The following MAB21L2 variants were observed in gnomAD, a reference collection of about 807,000 sequenced individuals.
MAB21L2 encodes protein mab-21-like 2.
MAB21L2 carries 15 observed loss-of-function variants against 29.8 expected under a neutral mutation model. The observed-to-expected ratio is 0.50, with a 90% confidence interval of 0.34 to 0.78. MAB21L2 has a LOEUF of 0.78. Ranked by LOEUF, MAB21L2 falls within the 30% of genes least tolerant of loss-of-function variation. The probability of loss-of-function intolerance (pLI) is 0.01; values close to 1 mark genes in which losing one functional copy is unlikely to be tolerated. For synonymous variants in MAB21L2, 218 were observed against 210.4 expected (o/e 1.04, Z -0.31); for missense variants, 321 against 480.1 (o/e 0.67, Z 3.10).
rs1479275588 is a variant in MAB21L2, at chr4:150,583,462, T to C, written c.433T>C (p.Tyr145His). The change falls in exon 1 of 1, where the codon TAT (tyrosine) becomes CAT (histidine). Residue 145 changes from tyrosine (Y) to histidine (H), a missense_variant. By Grantham distance (83) the Tyr-to-His change is moderately conservative (BLOSUM62 2). Coordinates refer to ENST00000317605, the MANE Select transcript of MAB21L2 (RefSeq NM_006439.5). This position sits in a 1 kb window ranked among gnomAD's most constrained non-coding sequence, Gnocchi z 9.8. The part of the protein sequence containing the change: ...LVAQAVDKCS[Y>H]RDVVKMIADT... ...GGCCCAGGCGGTGGACAAGTGCAGCTATCGGGATGTGGTCAAGATGATCGC... is the reference window on the plus strand; with the variant it reads ...GGCCCAGGCGGTGGACAAGTGCAGCCATCGGGATGTGGTCAAGATGATCGC... 1 of 1,613,824 alleles carries C rather than the reference T, an allele frequency of 6.2e-7. No homozygotes were observed. The highest frequency in any genetic ancestry group is 1.3e-5 in the African/African-American group (1 of 74,944).
rs1388157913 is a variant in MAB21L2, at chr4:150,583,569, G to A, written c.540G>A (p.Trp180Ter). 6.2e-7 allele frequency: 1 copy of A among 1,613,826 alleles called. No homozygotes were observed. The highest frequency in any genetic ancestry group is 8.5e-7 in the Non-Finnish European group (1 of 1,179,908). ...ITPAFKCTGI[W>*]PRSAAQWPMP... ...CGGCGTTCAAGTGCACCGGGATCTGGCCTCGCAGCGCGGCACAGTGGCCTA... is the reference window on the plus strand; with the variant it reads ...CGGCGTTCAAGTGCACCGGGATCTGACCTCGCAGCGCGGCACAGTGGCCTA... Residue 180 changes from tryptophan to a stop codon, truncating the protein, a stop_gained, in exon 1 of 1, where the codon TGG (tryptophan) becomes TGA (stop). Coordinates refer to ENST00000317605, the MANE Select transcript of MAB21L2 (RefSeq NM_006439.5). LOFTEE classifies it high-confidence loss of function. This position sits in a 1 kb window ranked among gnomAD's most constrained non-coding sequence, Gnocchi z 9.8.
rs1277931224 is a variant in MAB21L2 at position 150,584,265 on chromosome 4, A to G, written c.*156A>G. 3 of 750,794 alleles carry G rather than the reference A, an allele frequency of 4.0e-6. No homozygotes were observed. Among genetic ancestry groups the G allele is most frequent in the South Asian group, 4.7e-5 (1 of 21,396 alleles). The allele number at this position is 750,794 out of a possible 1,614,324, so 46.5% of individuals were successfully genotyped here. A position where few individuals can be genotyped will look rare whatever the true frequency, so the allele number is the denominator to read the frequency against. The stretch of plus-strand genomic sequence containing the variant: ...ACCTTCATTAATTAAGAAGCAAACA[A>G]AAAGAGAGCAACCCAACCAAAACAA... On this transcript the variant is annotated 3_prime_UTR_variant, in exon 1 of 1. Transcript: ENST00000317605.
rs762798919 is a variant in MAB21L2 at position 150,583,605 on chromosome 4, C to T, written c.576C>T (p.Ile192=). 13 of 1,613,920 alleles carry T rather than the reference C, an allele frequency of 8.1e-6. No individual in the cohort carries two copies. In the South Asian group the frequency reaches 8.8e-5, roughly 11 times the overall value. The part of the protein sequence containing the change: ...RSAAQWPMPH[I]PWPGPNRVAE... ...CGGCACAGTGGCCTATGCCCCACAT[C>T]CCTTGGCCCGGCCCCAATCGGGTGG... is the stretch of plus-strand genomic sequence containing the variant. Residue 192 remains isoleucine, a synonymous_variant, in exon 1 of 1, where the codon ATC becomes ATT. Transcript: ENST00000317605. The surrounding 1 kb of genome is among the most constrained non-coding windows in gnomAD (Gnocchi z 9.8).
chr4:150,583,720 G>C lies in MAB21L2; in HGVS notation c.691G>C (p.Val231Leu). 6.2e-7 allele frequency: 1 copy of C among 1,613,574 alleles called. No homozygotes were observed. Among genetic ancestry groups the C allele is most frequent in the Non-Finnish European group, 8.5e-7 (1 of 1,179,796 alleles). Residue 231 changes from valine (V) to leucine (L), a missense_variant, in exon 1 of 1, where the codon GTG becomes CTG. By Grantham distance (32) the Val-to-Leu change is conservative (BLOSUM62 1). Coordinates refer to ENST00000317605, the MANE Select transcript of MAB21L2 (RefSeq NM_006439.5). This position sits in a 1 kb window ranked among gnomAD's most constrained non-coding sequence, Gnocchi z 9.8. ...KQSSAESDAW[V>L]LQFGEAENRL... ...GAGCTCGGCAGAGAGCGACGCCTGG[G>C]TGCTACAGTTCGGGGAGGCGGAGAA...
chr4:150,583,775 A>G lies in MAB21L2; in HGVS notation c.746A>G (p.Lys249Arg), dbSNP rs753478162. The change falls in exon 1 of 1, where the codon AAG becomes AGG. Residue 249 changes from lysine (K) to arginine (R), a missense_variant. Coordinates refer to ENST00000317605, the MANE Select transcript of MAB21L2 (RefSeq NM_006439.5). This position sits in a 1 kb window ranked among gnomAD's most constrained non-coding sequence, Gnocchi z 9.8. ...NRLLMGGCRN[K>R]CLSVLKTLRD... ...CTGCTGATGGGCGGCTGCCGAAACA[A>G]GTGCCTCTCAGTGCTGAAGACTCTG... is the stretch of plus-strand genomic sequence containing the variant. The G allele has an allele frequency of 1.2e-6, 2 of 1,614,134 alleles. No homozygotes were observed. The highest frequency in any genetic ancestry group is 2.2e-5 in the South Asian group (2 of 91,072).
At position 150,583,107 on chromosome 4, in the gene MAB21L2, C is replaced by T. The variant is rs1771612457; in HGVS notation, c.78C>T (p.Ala26=). 1.2e-6 allele frequency: 2 copies of T among 1,614,076 alleles called. No homozygotes were observed. The highest frequency in any genetic ancestry group is 2.7e-5 in the African/African-American group (2 of 74,952). ...AGCGCTGTCAGGCGCGCAAGGCGGC[C>T]ATCGCCAAAACCATCCGAGAGGTCT... ...YTERCQARKA[A]IAKTIREVCK... is the part of the protein sequence containing the mutation. The change falls in exon 1 of 1, where the codon GCC becomes GCT. Residue 26 remains alanine, a synonymous_variant. Transcript: ENST00000317605. The surrounding 1 kb of genome is among the most constrained non-coding windows in gnomAD (Gnocchi z 9.8).
chr4:150,583,780 C>G lies in MAB21L2; in HGVS notation c.751C>G (p.Leu251Val), dbSNP rs757686291. 3 of 1,614,170 alleles carry G rather than the reference C, an allele frequency of 1.9e-6. No homozygotes were observed. Among genetic ancestry groups the G allele is most frequent in the Non-Finnish European group, 2.5e-6 (3 of 1,180,034 alleles). Reference protein sequence around the residue: ...LLMGGCRNKCLSVLKTLRDRH... With the variant: ...LLMGGCRNKCVSVLKTLRDRH... The stretch of plus-strand genomic sequence containing the variant: ...GATGGGCGGCTGCCGAAACAAGTGC[C>G]TCTCAGTGCTGAAGACTCTGCGGGA... Residue 251 changes from leucine to valine, a missense_variant, in exon 1 of 1, where the codon CTC (leucine) becomes GTC (valine). Coordinates refer to ENST00000317605, the MANE Select transcript of MAB21L2 (RefSeq NM_006439.5). This position sits in a 1 kb window ranked among gnomAD's most constrained non-coding sequence, Gnocchi z 9.8.
chr4:150,583,498 G>A lies in MAB21L2; in HGVS notation c.469G>A (p.Glu157Lys), dbSNP rs749605702. ...DVVKMIADTSEVKLRIRERYV... is the reference protein window; with the variant it reads ...DVVKMIADTSKVKLRIRERYV... ...GGTCAAGATGATCGCGGACACCAGC[G>A]AGGTCAAGTTGCGCATCAGGGAGCG... Residue 157 changes from glutamate (E) to lysine (K), a missense_variant, in exon 1 of 1, where the codon GAG (glutamate) becomes AAG (lysine). Coordinates refer to ENST00000317605, the MANE Select transcript of MAB21L2 (RefSeq NM_006439.5). The surrounding 1 kb of genome is among the most constrained non-coding windows in gnomAD (Gnocchi z 9.8). 1 of 1,613,962 alleles carries A rather than the reference G, an allele frequency of 6.2e-7. No homozygotes were observed. The highest frequency in any genetic ancestry group is 8.5e-7 in the Non-Finnish European group (1 of 1,180,040).
Position 150,583,372 on chromosome 4 carries a change from G to A in MAB21L2, c.343G>A (p.Glu115Lys), listed in dbSNP as rs1328813338. 1 of 1,614,144 alleles carries A rather than the reference G, an allele frequency of 6.2e-7. No individual in the cohort carries two copies. The highest frequency in any genetic ancestry group is 1.7e-5 in the Admixed American group (1 of 60,034). ...GRKRSMSLWV[E>K]FITASGYLSA... ...GAAGCGGAGCATGTCTCTCTGGGTC[G>A]AGTTCATCACGGCGTCGGGCTATCT... The change falls in exon 1 of 1, where the codon GAG becomes AAG. Residue 115 changes from glutamate (E) to lysine (K), a missense_variant. Physicochemically the swap from Glu to Lys is moderately conservative, Grantham distance 56. Coordinates refer to ENST00000317605, the MANE Select transcript of MAB21L2 (RefSeq NM_006439.5). This position sits in a 1 kb window ranked among gnomAD's most constrained non-coding sequence, Gnocchi z 9.8.
In MAB21L2 at chr4:150,582,357, C is replaced by G. The variant is rs1484274934; in HGVS notation, c.-673C>G. The G allele has an allele frequency of 6.6e-6, 1 of 151,960 alleles. No individual in the cohort carries two copies. Among genetic ancestry groups the G allele is most frequent in the Admixed American group, 6.6e-5 (1 of 15,262 alleles). 9.4% of individuals were successfully genotyped at this position (151,960 alleles called of 1,614,324 possible). ...GGAAAACTGCGATAACACGACCCCC[C>G]GAGAAGAGACGAGACCAACACGCTG... On this transcript the variant is annotated 5_prime_UTR_variant, in exon 1 of 1. Coordinates refer to ENST00000317605, the MANE Select transcript of MAB21L2 (RefSeq NM_006439.5).
rs1002872585 is a variant in MAB21L2 at position 150,582,239 on chromosome 4, A to G, written c.-791A>G. On this transcript the variant is annotated 5_prime_UTR_variant, in exon 1 of 1. Transcript: ENST00000317605. ...ATTACGAAGCAGAAATGATTATCAAACAACTTCCAGCGGTTTGCACCTAAA... is the reference window on the plus strand; with the variant it reads ...ATTACGAAGCAGAAATGATTATCAAGCAACTTCCAGCGGTTTGCACCTAAA... 1 of 152,134 alleles carries G rather than the reference A, an allele frequency of 6.6e-6. No individual in the cohort carries two copies. The highest frequency in any genetic ancestry group is 2.4e-5 in the African/African-American group (1 of 41,404). 9.4% of individuals were successfully genotyped at this position (152,134 alleles called of 1,614,324 possible).
Position 150,582,929 on chromosome 4 carries a change from C to G in MAB21L2, c.-101C>G, listed in dbSNP as rs1771581736. 3 of 1,394,968 alleles carry G rather than the reference C, an allele frequency of 2.2e-6. No individual in the cohort carries two copies. The highest frequency in any genetic ancestry group is 1.4e-5 in the African/African-American group (1 of 69,394). The allele number at this position is 1,394,968 out of a possible 1,614,324, so 86.4% of individuals were successfully genotyped here. ...AAAGTAGGGCTTAACGGGGAGCGCACCGCCTCTTTCGAAAGCCGCTGGGCC... is the reference window on the plus strand; with the variant it reads ...AAAGTAGGGCTTAACGGGGAGCGCAGCGCCTCTTTCGAAAGCCGCTGGGCC... On this transcript the variant is annotated 5_prime_UTR_variant, in exon 1 of 1. Transcript: ENST00000317605.
chr4:150,582,768 A>G lies in MAB21L2; in HGVS notation c.-262A>G, dbSNP rs1277863197. 7.0e-6 allele frequency: 3 copies of G among 427,328 alleles called. No individual in the cohort carries two copies. Among genetic ancestry groups the G allele is most frequent in the East Asian group, 7.2e-5 (2 of 27,716 alleles). 26.5% of individuals were successfully genotyped at this position (427,328 alleles called of 1,614,324 possible). ...CAAGAGAAAGCAAAAAGGTTCCAAG[A>G]GGTACTTTTCTTTTTAGAAAATCAC... On this transcript the variant is annotated 5_prime_UTR_variant, in exon 1 of 1. Transcript: ENST00000317605.
rs148537581 is a variant in MAB21L2, at chr4:150,583,686, C to A, written c.657C>A (p.Thr219=). The A allele has an allele frequency of 2.7e-5, 44 of 1,613,586 alleles. No homozygotes were observed. Among genetic ancestry groups the A allele is most frequent in the African/African-American group, 1.9e-4 (14 of 74,910 alleles). ...NLLSKECYSL[T]GKQSSAESDA... ...TCTCGAAGGAGTGCTACTCGCTGAC[C>A]GGCAAGCAGAGCTCGGCAGAGAGCG... is the stretch of plus-strand genomic sequence containing the variant. The change falls in exon 1 of 1, where the codon ACC becomes ACA. Residue 219 remains threonine, a synonymous_variant. Transcript: ENST00000317605. The surrounding 1 kb of genome is among the most constrained non-coding windows in gnomAD (Gnocchi z 9.8).
Position 150,582,903 on chromosome 4 carries a change from G to GA in MAB21L2, c.-124dup, listed in dbSNP as rs1285983998. The GA allele has an allele frequency of 8.5e-7, 1 of 1,171,606 alleles. No individual in the cohort carries two copies. Among genetic ancestry groups the GA allele is most frequent in the Non-Finnish European group, 1.2e-6 (1 of 843,696 alleles). 72.6% of individuals were successfully genotyped at this position (1,171,606 alleles called of 1,614,324 possible). ...GTCAGCCCAGGTGGAAAACGAGAGT[G>GA]AAAGTAGGGCTTAACGGGGAGCGCA... On this transcript the variant is annotated 5_prime_UTR_variant, in exon 1 of 1. Transcript: ENST00000317605.
chr4:150,583,093 G>A lies in MAB21L2; in HGVS notation c.64G>A (p.Ala22Thr). 2 of 1,614,150 alleles carry A rather than the reference G, an allele frequency of 1.2e-6. No individual in the cohort carries two copies. Among genetic ancestry groups the A allele is most frequent in the Non-Finnish European group, 1.7e-6 (2 of 1,180,004 alleles). Residue 22 changes from alanine to threonine, a missense_variant, in exon 1 of 1, where the codon GCG (alanine) becomes ACG (threonine). By Grantham distance (58) the Ala-to-Thr change is moderately conservative. Transcript: ENST00000317605. This position sits in a 1 kb window ranked among gnomAD's most constrained non-coding sequence, Gnocchi z 9.8. Reference sequence around the variant, plus strand: ...TAAGTACTACACTGAGCGCTGTCAGGCGCGCAAGGCGGCCATCGCCAAAAC... The same window carrying A: ...TAAGTACTACACTGAGCGCTGTCAGACGCGCAAGGCGGCCATCGCCAAAAC... ...LNKYYTERCQARKAAIAKTIR... is the reference protein window; with the variant it reads ...LNKYYTERCQTRKAAIAKTIR...
Position 150,582,928 on chromosome 4 carries a change from A to G in MAB21L2, c.-102A>G. Reference sequence around the variant, plus strand: ...GAAAGTAGGGCTTAACGGGGAGCGCACCGCCTCTTTCGAAAGCCGCTGGGC... The same window carrying G: ...GAAAGTAGGGCTTAACGGGGAGCGCGCCGCCTCTTTCGAAAGCCGCTGGGC... On this transcript the variant is annotated 5_prime_UTR_variant, in exon 1 of 1. Transcript: ENST00000317605. 7.2e-7 allele frequency: 1 copy of G among 1,383,550 alleles called. No individual in the cohort carries two copies. Among genetic ancestry groups the G allele is most frequent in the Non-Finnish European group, 9.8e-7 (1 of 1,018,358 alleles). 85.7% of individuals were successfully genotyped at this position (1,383,550 alleles called of 1,614,324 possible).
Position 150,583,145 on chromosome 4 carries a change from C to A in MAB21L2, c.116C>A (p.Ser39Ter), listed in dbSNP as rs769187258. Residue 39 changes from serine (S) to a stop codon, truncating the protein, a stop_gained, in exon 1 of 1, where the codon TCG (serine) becomes TAG (stop). Coordinates refer to ENST00000317605, the MANE Select transcript of MAB21L2 (RefSeq NM_006439.5). LOFTEE classifies it high-confidence loss of function. This position sits in a 1 kb window ranked among gnomAD's most constrained non-coding sequence, Gnocchi z 9.8. ...KTIREVCKVV[S>*]DVLKEVEVQE... Reference sequence around the variant, plus strand: ...ATCCGAGAGGTCTGTAAGGTGGTCTCGGACGTGCTCAAGGAAGTGGAGGTG... The same window carrying A: ...ATCCGAGAGGTCTGTAAGGTGGTCTAGGACGTGCTCAAGGAAGTGGAGGTG... The A allele has an allele frequency of 6.2e-7, 1 of 1,614,184 alleles. No individual in the cohort carries two copies. Among genetic ancestry groups the A allele is most frequent in the Non-Finnish European group, 8.5e-7 (1 of 1,180,012 alleles).
Position 150,584,171 on chromosome 4 carries a change from G to C in MAB21L2, c.*62G>C, listed in dbSNP as rs769949216. 19 of 1,445,578 alleles carry C rather than the reference G, an allele frequency of 1.3e-5. 1 individual carries two copies. The highest frequency in any genetic ancestry group is 1.6e-5 in the Non-Finnish European group (18 of 1,097,252). The allele number at this position is 1,445,578 out of a possible 1,614,324, so 89.5% of individuals were successfully genotyped here. A position where few individuals can be genotyped will look rare whatever the true frequency, so the allele number is the denominator to read the frequency against. ...CGTGCTCTCTCAGACACACAACTCTGCTATAAACAGCAGAAACTCTGGACA... is the reference window on the plus strand; with the variant it reads ...CGTGCTCTCTCAGACACACAACTCTCCTATAAACAGCAGAAACTCTGGACA... On this transcript the variant is annotated 3_prime_UTR_variant, in exon 1 of 1. Coordinates refer to ENST00000317605, the MANE Select transcript of MAB21L2 (RefSeq NM_006439.5).
Sources: allele counts gnomAD v4.1 joint callset, GRCh38; gene constraint gnomAD v4.1.1; non-coding constraint Gnocchi (gnomAD v3.1); transcripts MANE v1.5; gene names NCBI Gene and HGNC (gene_info 2026-07-23, HGNC 2026-07-21).